The following STYK1 variants were observed in gnomAD, a reference collection of about 807,000 sequenced individuals.
The protein encoded by STYK1 is tyrosine-protein kinase STYK1.
A neutral mutation model predicts 48.1 loss-of-function variants in STYK1; 46 were observed. The observed-to-expected ratio is 0.96, with a 90% CI of 0.75 to 1.22. STYK1 has a LOEUF of 1.22. STYK1 is among the 50% of genes most tolerant of loss of function. The pLI is 0.00. For missense variants in STYK1, 527 were observed against 521.1 expected (o/e 1.01, Z -0.11); for synonymous variants, 188 against 189.0 (o/e 0.99, Z 0.04).
chr12:10,638,078 T>C (rs1947505424), intron 1 of STYK1, among the ~76,000 whole-genome samples: 2 of 152,238 alleles, frequency 1.3e-5, no homozygotes, highest in Non-Finnish European at 2.9e-5. Flanking sequence ...TTATCCACAG[T>C]TCTCTATTTA....
At chr12:10,649,247 A>C (rs957770257) in intron 1 of STYK1, among the ~76,000 whole-genome samples, 2 of 152,198 alleles carry the variant, frequency 1.3e-5, no homozygotes, top group African/African-American at 4.8e-5. Context: ...GGGGATATAC[A>C]TGGGAAGTCA....
chr12:10,650,763 G>T (rs558263915), intron 1 of STYK1, among the ~76,000 whole-genome samples: 1 of 152,296 alleles, frequency 6.6e-6, no homozygotes, highest in South Asian at 2.1e-4. Flanking sequence ...TACTTTGGGA[G>T]GCGGAGGCAG....
intron 1 of STYK1, among the ~76,000 whole-genome samples, chr12:10,639,497 C>A (rs963595134): frequency 6.6e-6 from 1 of 152,066 alleles, no homozygotes; most frequent in Admixed American, 6.5e-5. Flanking sequence ...TCACTGCAAC[C>A]TCCGTCTCCC....
rs138533962 is a variant in STYK1, at chr12:10,620,278, G to T, written c.1135C>A (p.Arg379Ser). 10 of 1,614,030 alleles carry T rather than the reference G, an allele frequency of 6.2e-6. No homozygotes were observed. The highest frequency in any genetic ancestry group is 7.6e-6 in the Non-Finnish European group (9 of 1,180,032). Residue 379 changes from arginine (R) to serine (S), a missense_variant, in exon 11 of 11, where the codon CGC becomes AGC. Arg to Ser is a moderately radical substitution (Grantham distance 110). Coordinates refer to ENST00000075503, the MANE Select transcript of STYK1 (RefSeq NM_018423.3). ...GCAGTTTTAATGGCAGCTTCTAGGC[G>T]CAAGCGCAGCTCTCTAGGTGAGGGG... Reference protein sequence around the residue: ...DRPSPRELRLRLEAAIKTADD... With the variant: ...DRPSPRELRLSLEAAIKTADD...
intron 1 of STYK1, among the ~76,000 whole-genome samples, chr12:10,651,868 TC>T (rs1410306714): frequency 9.7e-6 from 1 of 102,998 alleles, no homozygotes; most frequent in East Asian, 5.3e-4. Flanking sequence ...ATTGTTCTAT[TC>T]TTTTTTTTTG....
chr12:10,657,873 T>G (rs193142718), intron 1 of STYK1, among the ~76,000 whole-genome samples: 19 of 152,358 alleles, frequency 1.2e-4, no homozygotes, highest in African/African-American at 4.3e-4. Context: ...AAAAACAGTT[T>G]TAACATGCAA....
chr12:10,659,099 T>A (rs777826636), intron 1 of STYK1, among the ~76,000 whole-genome samples: 2 of 152,230 alleles, frequency 1.3e-5, no homozygotes, highest in Non-Finnish European at 2.9e-5. Flanking sequence ...GCTGAAATGT[T>A]CATGAATATC....
intron 1 of STYK1, among the ~76,000 whole-genome samples, chr12:10,663,679 T>G (rs1947803619): frequency 6.7e-6 from 1 of 149,176 alleles, no homozygotes; most frequent in South Asian, 2.1e-4. Flanking sequence ...TTTTCAAGAC[T>G]GTTTTGGCTA....
intron 1 of STYK1, among the ~76,000 whole-genome samples, chr12:10,660,104 G>A (rs549895395): frequency 2.0e-5 from 3 of 152,252 alleles, no homozygotes; most frequent in Admixed American, 1.3e-4. Context: ...TCTAACAGTT[G>A]CCCACTTCAC....
intron 5 of STYK1, among the ~76,000 whole-genome samples, chr12:10,629,939 A>G (rs1947404065): frequency 6.6e-6 from 1 of 152,146 alleles, no homozygotes; most frequent in Admixed American, 6.5e-5. Context: ...GTTTGCATTA[A>G]AAAGTTATCA....
At chr12:10,650,833 T>C (rs1565569877) in intron 1 of STYK1, among the ~76,000 whole-genome samples, 1 of 151,636 alleles carries the variant, frequency 6.6e-6, no homozygotes, top group Non-Finnish European at 1.5e-5. Flanking sequence ...GAACCCCGTC[T>C]CTACTAAAAA....
intron 1 of STYK1, among the ~76,000 whole-genome samples, chr12:10,652,955 C>T (rs986781748): frequency 1.3e-5 from 2 of 152,154 alleles, no homozygotes; most frequent in African/African-American, 2.4e-5. Flanking sequence ...AGGAGAAATG[C>T]TTGGTGAAAA....
intron 7 of STYK1, among the ~76,000 whole-genome samples, chr12:10,625,957 AT>A (rs1947354422): frequency 6.6e-6 from 1 of 152,192 alleles, no homozygotes; most frequent in Admixed American, 6.5e-5. Flanking sequence ...GTAATTTCCA[AT>A]GGCATCAACC....
chr12:10,662,702 G>C (rs1484824806), intron 1 of STYK1, among the ~76,000 whole-genome samples: 2 of 150,688 alleles, frequency 1.3e-5, no homozygotes, highest in Non-Finnish European at 3.0e-5. Context: ...ATTTTTTTTT[G>C]ATTGGGCAAT....
At chr12:10,640,321 A>G (rs1947529870) in intron 1 of STYK1, among the ~76,000 whole-genome samples, 1 of 152,158 alleles carries the variant, frequency 6.6e-6, no homozygotes, top group African/African-American at 2.4e-5. Flanking sequence ...AACCAGTGAG[A>G]GGACACAGAG....
At position 10,629,494 on chromosome 12, in the gene STYK1, C is replaced by G; in HGVS notation, c.632G>C (p.Arg211Pro). 3 of 1,613,908 alleles carry G rather than the reference C, an allele frequency of 1.9e-6. No homozygotes were observed. The highest frequency in any genetic ancestry group is 2.5e-6 in the Non-Finnish European group (3 of 1,180,002). ...TAATACCTCTGCCCTACTGCTCACC[C>G]GCCGACAGGTCCAGAGAAAGCTGAG... is the stretch of plus-strand genomic sequence containing the variant. The part of the protein sequence containing the change: ...DLLSFLWTCR[R>P]DVMTMDGLLY... The change falls in exon 6 of 11, where the codon CGG (arginine) becomes CCG (proline). Residue 211 changes from arginine (R) to proline (P), a missense_variant and splice_region_variant. By Grantham distance (103) the Arg-to-Pro change is moderately radical (BLOSUM62 -2). Transcript: ENST00000075503.
chr12:10,673,491 C>T (rs1947911047), intron 1 of STYK1: 1 of 152,088 alleles, frequency 6.6e-6, no homozygotes, highest in African/African-American at 2.4e-5. Flanking sequence ...ATTTAAATAT[C>T]GCAACAACCC....
chr12:10,627,640 C>T lies in STYK1; in HGVS notation c.717+1G>A, dbSNP rs766553140. The T allele has an allele frequency of 6.2e-7, 1 of 1,612,558 alleles. No individual in the cohort carries two copies. The highest frequency in any genetic ancestry group is 2.2e-5 in the East Asian group (1 of 44,836). Reference sequence around the variant, plus strand: ...TCAGTTGTCATGTTGCCTCATCTTACCAGCGCCAAAAGGACCTGCTTTCCG... The same window carrying T: ...TCAGTTGTCATGTTGCCTCATCTTATCAGCGCCAAAAGGACCTGCTTTCCG... On this transcript the variant is annotated splice_donor_variant, in intron 7 of 10. Transcript: ENST00000075503. LOFTEE classifies it high-confidence loss of function.
intron 5 of STYK1, among the ~76,000 whole-genome samples, chr12:10,630,534 C>T (rs1388956615): frequency 6.7e-6 from 1 of 149,304 alleles, no homozygotes; most frequent in Non-Finnish European, 1.5e-5. Flanking sequence ...CAAAGATGAG[C>T]TAGGGAACCT....
Sources: gnomAD v4.1 joint callset for allele counts (sites outside exome capture counted in the v4.1 genomes callset) on GRCh38, gnomAD v4.1.1 for gene constraint, MANE v1.5 for transcripts, NCBI Gene and HGNC (gene_info 2026-07-23, HGNC 2026-07-21) for gene names.